Variants in ADGRG2 observed in about 807,000 individuals in gnomAD.
ADGRG2 encodes the protein adhesion G protein-coupled receptor G2.
ADGRG2 carries 26 observed loss-of-function variants against 74.1 expected under a neutral mutation model. That is an observed-to-expected ratio of 0.35 (90% CI 0.26 to 0.49). The LOEUF (loss-of-function observed/expected upper bound fraction) is 0.49, where lower values mean the gene tolerates loss of function less well. ADGRG2 is among the 20% of genes least tolerant of loss of function. The pLI, the probability that ADGRG2 is intolerant of heterozygous loss-of-function variation, is 0.99. For synonymous variants in ADGRG2, 296 were observed against 295.2 expected, an observed-to-expected ratio of 1.00 and a Z score of -0.03; for missense variants, 619 against 763.1, an observed-to-expected ratio of 0.81 and a Z score of 2.22.
rs766641251 is a variant in ADGRG2, at chrX:19,022,219, C to T, written c.549-1021G>A. Among the ~76,000 whole-genome samples, 9 of 106,381 alleles carry T rather than the reference C, an allele frequency of 8.5e-5. No homozygotes were observed. In the East Asian group the frequency reaches 1.8e-3, roughly 22 times the overall value. 92.4% of individuals were successfully genotyped at this position (106,381 alleles called of 115,157 possible). A position where few individuals can be genotyped will look rare whatever the true frequency, so the allele number is the denominator to read the frequency against. On this transcript the variant is annotated intron_variant, in intron 13 of 28. Transcript: ENST00000379869. ...GGTGGAAGTTGCAGTGAGCCGAGAT[C>T]GTGCCATTGCACTCCAGCCAGGGCA...
rs142868141 is a variant in ADGRG2 at position 19,027,619 on chromosome X, G to A, written c.415-345C>T. Among the ~76,000 whole-genome samples the A allele has an allele frequency of 2.7e-3, 307 of 112,258 alleles. 2 individuals are homozygous for A. The highest frequency in any genetic ancestry group is 9.5e-3 in the African/African-American group (293 of 30,956). On this transcript the variant is annotated intron_variant, in intron 10 of 28. Transcript: ENST00000379869. Reference sequence around the variant, plus strand: ...AGAACACTATTAACATTCTTGTCACGAAAGGTCCCGGATCTAAGTAACAGA... The same window carrying A: ...AGAACACTATTAACATTCTTGTCACAAAAGGTCCCGGATCTAAGTAACAGA...
At chrX:19,103,333 C>G (rs750999420) in intron 1 of ADGRG2, among the ~76,000 whole-genome samples, 1 of 111,970 alleles carries the variant, frequency 8.9e-6, no homozygotes, top group African/African-American at 3.2e-5. Flanking sequence ...GGGAGGAACT[C>G]TCAGTTCCGG....
At chrX:19,082,072 CAAAAAA>C (rs57534658) in intron 2 of ADGRG2, among the ~76,000 whole-genome samples, 56 of 21,186 alleles carry the variant, frequency 2.6e-3, no homozygotes, top group African/African-American at 7.2e-3. Flanking sequence ...GACCCTGTCT[CAAAAAA>C]AAAAAAAAAA....
At chrX:19,117,221 G>A (rs1423553024) in intron 1 of ADGRG2, among the ~76,000 whole-genome samples, 2 of 109,120 alleles carry the variant, frequency 1.8e-5, no homozygotes, top group Non-Finnish European at 3.8e-5. Context: ...TTGAACCTGG[G>A]AGGCAGAGGC....
chrX:19,035,918 C>CATTT, intron 7 of ADGRG2, 24 bp downstream of exon 7: 1 of 860,287 alleles, frequency 1.2e-6, no homozygotes, highest in South Asian at 2.2e-5. Flanking sequence ...GAAGCTATTA[C>CATTT]ATTTAGAAAT....
At chrX:19,091,425 G>A (rs1051933633) in intron 1 of ADGRG2, among the ~76,000 whole-genome samples, 18 of 109,166 alleles carry the variant, frequency 1.6e-4, no homozygotes, top group Non-Finnish European at 2.8e-4. Context: ...GAAGGTCTGA[G>A]CAATTCAGTA....
intron 1 of ADGRG2, among the ~76,000 whole-genome samples, chrX:19,112,666 A>AG (rs1156756235): frequency 9.3e-6 from 1 of 107,518 alleles, no homozygotes; most frequent in Non-Finnish European, 1.9e-5. Context: ...AAAAAAAAAA[A>AG]GGCCGGGTAA....
At chrX:18,995,114 T>A in intron 27 of ADGRG2, 66 bp from the exon 28 acceptor site, 1 of 847,624 alleles carries the variant, frequency 1.2e-6, no homozygotes, top group East Asian at 3.3e-5. Flanking sequence ...AAGAGACAGA[T>A]CACAGTGTAA....
chrX:19,108,945 AG>A (rs1243616895), intron 1 of ADGRG2, among the ~76,000 whole-genome samples: 2 of 111,545 alleles, frequency 1.8e-5, no homozygotes, highest in African/African-American at 6.5e-5. Flanking sequence ...TTTATGGATA[AG>A]TCAAAGAGAG....
rs982530549 is a variant in ADGRG2 at position 18,994,945 on chromosome X, G to A, written c.2820C>T (p.Ser940=). ...SLQSSSNSTN[S]TTLLVNNDCS... ...AATCATTATTCACTAGCAGTGTGGTGGAGTTAGTGGAGTTACTGCTTGACT... is the reference window on the plus strand; with the variant it reads ...AATCATTATTCACTAGCAGTGTGGTAGAGTTAGTGGAGTTACTGCTTGACT... The change falls in exon 28 of 29, where the codon TCC becomes TCT. Residue 940 remains serine (S), a synonymous_variant. Coordinates refer to ENST00000379869, the MANE Select transcript of ADGRG2 (RefSeq NM_001079858.3). 1 of 1,194,896 alleles carries A rather than the reference G, an allele frequency of 8.4e-7. No homozygotes were observed. The highest frequency in any genetic ancestry group is 1.7e-5 in the African/African-American group (1 of 57,549).
chrX:19,116,838 G>T (rs1602150706), intron 1 of ADGRG2, among the ~76,000 whole-genome samples: 2 of 112,016 alleles, frequency 1.8e-5, no homozygotes, highest in Admixed American at 1.9e-4. Flanking sequence ...TCAAATGAAA[G>T]GGTAGTCAAA....
At chrX:18,997,098 C>G (rs1182316604) in intron 26 of ADGRG2, among the ~76,000 whole-genome samples, 2 of 111,326 alleles carry the variant, frequency 1.8e-5, no homozygotes, top group African/African-American at 3.3e-5. Context: ...AAAAAACAAA[C>G]AAACAAAACA....
intron 1 of ADGRG2, among the ~76,000 whole-genome samples, chrX:19,099,051 G>A (rs943426723): frequency 8.9e-6 from 1 of 111,855 alleles, no homozygotes; most frequent in Non-Finnish European, 1.9e-5. Context: ...AGGCGTGGTA[G>A]CAGGCGCCTG....
intron 24 of ADGRG2, among the ~76,000 whole-genome samples, chrX:19,002,023 C>A (rs1044849774): frequency 3.6e-5 from 4 of 110,977 alleles, no homozygotes; most frequent in Non-Finnish European, 7.5e-5. Context: ...GACTCTCTGG[C>A]AGAAGAGGTA....
chrX:19,027,211 T>C lies in ADGRG2; in HGVS notation c.470+8A>G, dbSNP rs200669528. On this transcript the variant is annotated splice_region_variant and intron_variant, in intron 11 of 28. Coordinates refer to ENST00000379869, the MANE Select transcript of ADGRG2 (RefSeq NM_001079858.3). Reference sequence around the variant, plus strand: ...CTGCAGTTTCAAATCAAACGGCAGATTACTCACTTTAATTCACTTAGAGAC... The same window carrying C: ...CTGCAGTTTCAAATCAAACGGCAGACTACTCACTTTAATTCACTTAGAGAC... 13 of 1,099,631 alleles carry C rather than the reference T, an allele frequency of 1.2e-5. No individual in the cohort carries two copies. The highest frequency in any genetic ancestry group is 1.6e-5 in the Non-Finnish European group (13 of 794,426). The allele number at this position is 1,099,631 out of a possible 1,213,427, so 90.6% of individuals were successfully genotyped here.
At chrX:19,104,125 C>T (rs2062237586) in intron 1 of ADGRG2, among the ~76,000 whole-genome samples, 1 of 110,563 alleles carries the variant, frequency 9.0e-6, no homozygotes, top group Non-Finnish European at 1.9e-5. Flanking sequence ...TGTAGGTAGG[C>T]CCTTGAAACT....
At chrX:19,042,456 C>G (rs1448872551) in intron 3 of ADGRG2, among the ~76,000 whole-genome samples, 1 of 111,194 alleles carries the variant, frequency 9.0e-6, no homozygotes, top group Non-Finnish European at 1.9e-5. Flanking sequence ...GACAATTTTG[C>G]CCGGTGGATG....
In ADGRG2 at chrX:19,025,875, A is replaced by C. The variant is rs569881942; in HGVS notation, c.470+1344T>G. On this transcript the variant is annotated intron_variant, in intron 11 of 28. Transcript: ENST00000379869. ...GGCACCATTGTATTCCAGCCTGGGC[A>C]ACAAAGTGAGACTCCATCTCAAAAA... 5.4e-5 allele frequency among the ~76,000 whole-genome samples: 6 copies of C among 110,267 alleles called. No individual in the cohort carries two copies. In the Middle Eastern group the frequency reaches 0.014, roughly 254 times the overall value.
chrX:19,108,278 CAGAA>C (rs2147064545), intron 1 of ADGRG2, among the ~76,000 whole-genome samples: 1 of 109,632 alleles, frequency 9.1e-6, no homozygotes, highest in Non-Finnish European at 1.9e-5. Context: ...AAAAAAGTTA[CAGAA>C]AGAAAGTCTC....
Sources: gnomAD v4.1 joint callset for allele counts (sites outside exome capture counted in the v4.1 genomes callset) on GRCh38, gnomAD v4.1.1 for gene constraint, MANE v1.5 for transcripts, NCBI Gene and HGNC (gene_info 2026-07-23, HGNC 2026-07-21) for gene names.